Variants in MAP4 observed in about 807,000 individuals in gnomAD.
MAP4 encodes microtubule associated protein 4.
In MAP4, 76 loss-of-function variants were observed where a neutral mutation model predicts 170.2. The ratio of observed to expected loss-of-function variants is 0.45; its 90% CI spans 0.37 to 0.54. The LOEUF (loss-of-function observed/expected upper bound fraction) is 0.54. Ranked by LOEUF, MAP4 falls within the 20% of genes least tolerant of loss-of-function variation. The pLI is 0.00. For synonymous variants in MAP4, 909 were observed against 994.5 expected (o/e 0.91, Z 1.62); for missense variants, 2,506 against 2,748.0 (o/e 0.91, Z 1.97).
chr3:47,944,969 G>C (rs1178557953), intron 3 of MAP4, among the ~76,000 whole-genome samples: 1 of 140,620 alleles, frequency 7.1e-6, no homozygotes, highest in African/African-American at 2.6e-5. Context: ...TTTTTTTTGA[G>C]ATACATGCTA....
chr3:47,874,264 T>A (rs1272430525), intron 12 of MAP4, among the ~76,000 whole-genome samples: 1 of 152,128 alleles, frequency 6.6e-6, no homozygotes, highest in Non-Finnish European at 1.5e-5. Context: ...GGTCAGGAGT[T>A]CGAGACCAGC....
chr3:48,058,924 C>T (rs537660176), intron 1 of MAP4, among the ~76,000 whole-genome samples: 9 of 152,152 alleles, frequency 5.9e-5, no homozygotes, highest in African/African-American at 1.7e-4. Flanking sequence ...AGATTACAGG[C>T]GTGCACCACC....
At chr3:48,033,750 G>A (rs1036440703) in intron 1 of MAP4, among the ~76,000 whole-genome samples, 4 of 152,000 alleles carry the variant, frequency 2.6e-5, no homozygotes, top group African/African-American at 4.8e-5. Context: ...ATAGGTGCAC[G>A]CCACCACAGC....
chr3:47,918,065 C>T (rs1275919459), intron 6 of MAP4, among the ~76,000 whole-genome samples: 3 of 152,116 alleles, frequency 2.0e-5, no homozygotes, highest in African/African-American at 7.2e-5. Context: ...TGACAGCAAC[C>T]TCTGCCTTCC....
intron 1 of MAP4, among the ~76,000 whole-genome samples, chr3:48,035,528 G>A (rs765766857): frequency 1.3e-5 from 2 of 152,068 alleles, no homozygotes; most frequent in Non-Finnish European, 1.5e-5. Flanking sequence ...CAGCTACTCA[G>A]GAGGCTGAGG....
intron 1 of MAP4, among the ~76,000 whole-genome samples, chr3:48,046,129 C>T (rs972427285): frequency 1.3e-5 from 2 of 152,054 alleles, no homozygotes; most frequent in African/African-American, 2.4e-5. Flanking sequence ...TCTATAACTC[C>T]ATTTGAGTTC....
At chr3:48,084,384 T>C (rs1394716944) in intron 1 of MAP4, among the ~76,000 whole-genome samples, 1 of 139,508 alleles carries the variant, frequency 7.2e-6, no homozygotes, top group Non-Finnish European at 1.5e-5. Flanking sequence ...TGATCTCATC[T>C]CTAAAAAAAA....
At position 47,909,745 on chromosome 3, in the gene MAP4, G is replaced by T; in HGVS notation, c.4676C>A (p.Ala1559Glu). The change falls in exon 9 of 21, where the codon GCG becomes GAG. Residue 1559 changes from alanine to glutamate, a missense_variant. Ala to Glu is a moderately radical substitution (Grantham distance 107). Coordinates refer to ENST00000683076, the MANE Select transcript of MAP4 (RefSeq NM_001385682.1). Reference sequence around the variant, plus strand: ...GACTTTCTCTACTGAATGCTTAGACGCACCACTGTGCACTGACTCAGATTC... The same window carrying T: ...GACTTTCTCTACTGAATGCTTAGACTCACCACTGTGCACTGACTCAGATTC... ...IGESESVHSG[A>E]SKHSVEKVTE... 6.2e-7 allele frequency: 1 copy of T among 1,613,940 alleles called. No individual in the cohort carries two copies.
intron 1 of MAP4, among the ~76,000 whole-genome samples, chr3:48,063,341 C>G (rs930166938): frequency 5.3e-5 from 8 of 151,090 alleles, no homozygotes; most frequent in African/African-American, 2.0e-4. Context: ...GACGCTAAGC[C>G]AAGAGGATTG....
At chr3:48,055,919 G>A (rs1249631683) in intron 1 of MAP4, among the ~76,000 whole-genome samples, 1 of 54,620 alleles carries the variant, frequency 1.8e-5, no homozygotes, top group Admixed American at 2.0e-4. Flanking sequence ...GGTGAGGAGC[G>A]TCTCTGCCCG....
At chr3:47,970,097 T>C (rs1328759971) in intron 3 of MAP4, among the ~76,000 whole-genome samples, 1 of 152,216 alleles carries the variant, frequency 6.6e-6, no homozygotes, top group Non-Finnish European at 1.5e-5. Flanking sequence ...TCTTGTGCCC[T>C]GGGGCCACTT....
chr3:47,856,688 A>G (rs2057134040), intron 18 of MAP4, among the ~76,000 whole-genome samples: 1 of 152,206 alleles, frequency 6.6e-6, no homozygotes, highest in South Asian at 2.1e-4. Flanking sequence ...TGGCCTCCCA[A>G]AGTGCTGGGA....
At chr3:47,951,765 C>T (rs1354384139) in intron 3 of MAP4, among the ~76,000 whole-genome samples, 1 of 152,186 alleles carries the variant, frequency 6.6e-6, no homozygotes, top group Non-Finnish European at 1.5e-5. Context: ...CTCTGCCCGG[C>T]AGCCACCCCG....
At chr3:47,938,644 A>T (rs1361411375) in intron 3 of MAP4, among the ~76,000 whole-genome samples, 1 of 152,224 alleles carries the variant, frequency 6.6e-6, no homozygotes, top group African/African-American at 2.4e-5. Flanking sequence ...TTGACCTCCC[A>T]AAGTGCTAGG....
At chr3:47,915,059 A>G (rs2100038001) in intron 7 of MAP4, 120 bp from the exon 8 acceptor site, 1 of 1,191,286 alleles carries the variant, frequency 8.4e-7, no homozygotes, top group Non-Finnish European at 1.2e-6. Context: ...GGGGCAGCAA[A>G]GGAGTGAAGT....
intron 2 of MAP4, among the ~76,000 whole-genome samples, chr3:47,988,193 CAAA>C (rs769431827): frequency 4.1e-5 from 3 of 73,908 alleles, no homozygotes; most frequent in Non-Finnish European, 2.7e-5. Context: ...GACTCCGTCT[CAAA>C]AAAAAAAAAA....
chr3:48,062,748 C>A (rs1044288621), intron 1 of MAP4, among the ~76,000 whole-genome samples: 14 of 151,278 alleles, frequency 9.3e-5, no homozygotes, highest in African/African-American at 3.4e-4. Context: ...CATGAAGAAA[C>A]CCCATCTCTA....
intron 18 of MAP4, among the ~76,000 whole-genome samples, chr3:47,856,928 G>T (rs1559772041): frequency 6.6e-6 from 1 of 152,236 alleles, no homozygotes; most frequent in Non-Finnish European, 1.5e-5. Flanking sequence ...CCACAGGGGC[G>T]CTGGGCCAAC....
At chr3:47,898,718 G>C (rs1017813969) in intron 10 of MAP4, among the ~76,000 whole-genome samples, 1 of 152,148 alleles carries the variant, frequency 6.6e-6, no homozygotes, top group East Asian at 1.9e-4. Context: ...AGGGTTAGGT[G>C]GGAGGACCAC....
Sources: allele counts gnomAD v4.1 joint callset (sites outside exome capture counted in the v4.1 genomes callset), GRCh38; gene constraint gnomAD v4.1.1; transcripts MANE v1.5; gene names NCBI Gene and HGNC (gene_info 2026-07-23, HGNC 2026-07-21).